Variants in ENTPD7 observed in about 807,000 individuals in gnomAD.
The protein encoded by ENTPD7 is ectonucleoside triphosphate diphosphohydrolase 7.
A neutral mutation model predicts 77.9 loss-of-function variants in ENTPD7; 53 were observed. That is an observed-to-expected ratio of 0.68 (90% CI 0.55 to 0.85). ENTPD7 has a LOEUF of 0.85. Ranked by LOEUF, ENTPD7 falls within the 40% of genes least tolerant of loss-of-function variation. ENTPD7 has a pLI of 0.00. For missense variants in ENTPD7, 636 were observed against 743.7 expected (o/e 0.86, Z 1.68); for synonymous variants, 248 against 274.9 (o/e 0.90, Z 0.97).
chr10:99,708,161 C>A lies in ENTPD7; in HGVS notation c.*3478C>A, dbSNP rs974923532. 6.6e-6 allele frequency among the ~76,000 whole-genome samples: 1 copy of A among 151,924 alleles called. No homozygotes were observed. Among genetic ancestry groups the A allele is most frequent in the Admixed American group, 6.6e-5 (1 of 15,230 alleles). On this transcript the variant is annotated 3_prime_UTR_variant, in exon 13 of 13. Coordinates refer to ENST00000370489, the MANE Select transcript of ENTPD7 (RefSeq NM_020354.5). ...CCAAATGTCTTCCAAAGTATCCTGC[C>A]CCACCCCCTCCTCATCCTAAGAGAT... is the stretch of plus-strand genomic sequence containing the variant.
intron 11 of ENTPD7, 73 bp from the exon 12 acceptor site, chr10:99,702,439 A>T: frequency 1.5e-6 from 2 of 1,298,250 alleles, no homozygotes; most frequent in East Asian, 2.6e-5. Flanking sequence ...GGGAATACGG[A>T]GTGGCTTATT....
At chr10:99,665,795 C>A (rs1360745245) in intron 3 of ENTPD7, among the ~76,000 whole-genome samples, 1 of 152,108 alleles carries the variant, frequency 6.6e-6, no homozygotes, top group Non-Finnish European at 1.5e-5. Context: ...CCTGCTTTGG[C>A]CTCCCAGAGT....
chr10:99,693,593 G>A (rs1046156037), intron 8 of ENTPD7, among the ~76,000 whole-genome samples: 1 of 152,158 alleles, frequency 6.6e-6, no homozygotes, highest in East Asian at 1.9e-4. Context: ...ACACTGGTAC[G>A]GAATGCATAC....
intron 3 of ENTPD7, among the ~76,000 whole-genome samples, chr10:99,665,078 C>CT (rs1361957870): frequency 6.6e-6 from 1 of 151,956 alleles, no homozygotes; most frequent in African/African-American, 2.4e-5. Context: ...TGGTGAAACT[C>CT]TGTCTCTACA....
chr10:99,667,929 CT>C (rs61543336), intron 3 of ENTPD7, among the ~76,000 whole-genome samples: 52 of 85,536 alleles, frequency 6.1e-4, no homozygotes, highest in African/African-American at 1.8e-3. Context: ...AAATGATAAT[CT>C]TTTTTTTTTT....
At chr10:99,689,143 CA>C in intron 7 of ENTPD7, among the ~76,000 whole-genome samples, 1 of 151,792 alleles carries the variant, frequency 6.6e-6, no homozygotes, top group East Asian at 1.9e-4. Context: ...TAAGGGGTTT[CA>C]AAATGAACAA....
chr10:99,676,864 T>C (rs999640210), intron 3 of ENTPD7, among the ~76,000 whole-genome samples: 2 of 152,196 alleles, frequency 1.3e-5, no homozygotes, highest in East Asian at 3.8e-4. Flanking sequence ...AGAAAAAAAG[T>C]TCTACCTACC....
At chr10:99,704,325 T>C (rs1590067170) in intron 12 of ENTPD7, 127 bp from the exon 13 acceptor site, 7 of 893,646 alleles carry the variant, frequency 7.8e-6, no homozygotes, top group African/African-American at 3.3e-5. Flanking sequence ...TCTGTGGAGC[T>C]GGTGTCATAA....
Position 99,659,590 on chromosome 10 carries a change from T to G in ENTPD7, c.-96+2T>G. ...GGAACCGGCGGGCCGCTTGATCCCG[T>G]GAGTGTGGGCGCGAGAGGGCTGTGG... On this transcript the variant is annotated splice_donor_variant, in intron 1 of 12. Coordinates refer to ENST00000370489, the MANE Select transcript of ENTPD7 (RefSeq NM_020354.5). LOFTEE classifies it low-confidence loss of function (5UTR_SPLICE). This position sits in a 1 kb window ranked among gnomAD's most constrained non-coding sequence, Gnocchi z 4.1. 1 of 184,984 alleles carries G rather than the reference T, an allele frequency of 5.4e-6. No individual in the cohort carries two copies. Among genetic ancestry groups the G allele is most frequent in the Admixed American group, 6.2e-5 (1 of 16,102 alleles). 11.5% of individuals were successfully genotyped at this position (184,984 alleles called of 1,614,324 possible).
intron 9 of ENTPD7, 31 bp from the exon 10 acceptor site, chr10:99,698,503 G>C (rs758898402): frequency 1.3e-5 from 20 of 1,599,638 alleles, no homozygotes; most frequent in Middle Eastern, 1.7e-4. Flanking sequence ...TGACGTGTTT[G>C]TTTGTTTGTT....
Position 99,704,645 on chromosome 10 carries a change from G to GAGGT in ENTPD7, c.1778_1781dup (p.Val595GlyfsTer18). 6.2e-7 allele frequency: 1 copy of GAGGT among 1,614,050 alleles called. No individual in the cohort carries two copies. Among genetic ancestry groups the GAGGT allele is most frequent in the African/African-American group, 1.3e-5 (1 of 75,038 alleles). Reference sequence around the variant, plus strand: ...TCCATTGGACTTGCTGTGGCTTGAAGAGGTGGTGCCCATGATGGGAGTACA... The same window carrying GAGGT: ...TCCATTGGACTTGCTGTGGCTTGAAGAGGTAGGTGGTGCCCATGATGGGAGTACA... On this transcript the variant is annotated frameshift_variant, in exon 13 of 13. Transcript: ENST00000370489. LOFTEE classifies it high-confidence loss of function.
intron 10 of ENTPD7, 137 bp downstream of exon 10, chr10:99,698,995 T>C (rs2036049034): frequency 6.6e-6 from 5 of 759,762 alleles, no homozygotes; most frequent in Middle Eastern, 3.7e-4. Context: ...TGAACACTCA[T>C]TTTACAGATG....
rs946865443 is a variant in ENTPD7 at position 99,710,059 on chromosome 10, C to A, written c.*5376C>A. On this transcript the variant is annotated 3_prime_UTR_variant, in exon 13 of 13. Transcript: ENST00000370489. ...ATGTATAGCCACACATGCATGACTT[C>A]AGGCTAGCATAAAGACATGTCTGCT... The A allele has an allele frequency of 1.0e-6, 1 of 985,418 alleles. No homozygotes were observed. The highest frequency in any genetic ancestry group is 4.7e-5 in the South Asian group (1 of 21,282). 61.0% of individuals were successfully genotyped at this position (985,418 alleles called of 1,614,324 possible). A position where few individuals can be genotyped will look rare whatever the true frequency, so the allele number is the denominator to read the frequency against.
chr10:99,681,267 A>T (rs140335217), intron 5 of ENTPD7, among the ~76,000 whole-genome samples: 1 of 149,342 alleles, frequency 6.7e-6, no homozygotes, highest in South Asian at 2.1e-4. Flanking sequence ...TGACAGTTTG[A>T]TTATTTATTT....
chr10:99,681,800 A>G (rs956147794), intron 5 of ENTPD7, among the ~76,000 whole-genome samples: 1 of 152,142 alleles, frequency 6.6e-6, no homozygotes, highest in Non-Finnish European at 1.5e-5. Context: ...ATGTTGAGCA[A>G]CTTTTCATAT....
chr10:99,710,007 G>A lies in ENTPD7; in HGVS notation c.*5324G>A, dbSNP rs1410827260. On this transcript the variant is annotated 3_prime_UTR_variant, in exon 13 of 13. Coordinates refer to ENST00000370489, the MANE Select transcript of ENTPD7 (RefSeq NM_020354.5). ...GCTTGCCATTTTTATGAAAACCAAA[G>A]TTGAAAAGTCTTCTGAATCACAGGC... 4 of 985,278 alleles carry A rather than the reference G, an allele frequency of 4.1e-6. No individual in the cohort carries two copies. Among genetic ancestry groups the A allele is most frequent in the Non-Finnish European group, 4.8e-6 (4 of 829,936 alleles). The allele number at this position is 985,278 out of a possible 1,614,324, so 61.0% of individuals were successfully genotyped here. A position where few individuals can be genotyped will look rare whatever the true frequency, so the allele number is the denominator to read the frequency against.
chr10:99,702,895 T>G (rs1383240993), intron 12 of ENTPD7, among the ~76,000 whole-genome samples: 1 of 152,084 alleles, frequency 6.6e-6, no homozygotes, highest in African/African-American at 2.4e-5. Context: ...TGGTCTGGAG[T>G]CTCAGCTTTG....
chr10:99,697,680 AGTT>A, intron 9 of ENTPD7: 1 of 159,850 alleles, frequency 6.3e-6, no homozygotes, highest in Middle Eastern at 1.3e-3. Flanking sequence ...AGTCGGTTCC[AGTT>A]GTTGTAAAGT....
At chr10:99,673,815 A>G (rs1456963591) in intron 3 of ENTPD7, among the ~76,000 whole-genome samples, 1 of 152,234 alleles carries the variant, frequency 6.6e-6, no homozygotes, top group Admixed American at 6.5e-5. Context: ...TAACAGACCA[A>G]CAGCTCCATT....
Sources: gnomAD v4.1 joint callset for allele counts (sites outside exome capture counted in the v4.1 genomes callset) on GRCh38, gnomAD v4.1.1 for gene constraint, Gnocchi (gnomAD v3.1) non-coding constraint, MANE v1.5 for transcripts, NCBI Gene and HGNC (gene_info 2026-07-23, HGNC 2026-07-21) for gene names.